Variants in TYW5 observed in about 807,000 individuals in gnomAD.
TYW5 encodes the protein tRNA wybutosine-synthesizing protein 5.
TYW5 carries 36 observed loss-of-function variants against 44.4 expected under a neutral mutation model. The observed-to-expected ratio is 0.81, with a 90% CI of 0.62 to 1.07. The LOEUF is 1.07. TYW5 is among the 50% of genes least tolerant of loss of function. The pLI is 0.00. For synonymous variants in TYW5, 121 were observed against 128.1 expected, an observed-to-expected ratio of 0.94 and a Z score of 0.37; for missense variants, 354 against 365.7, an observed-to-expected ratio of 0.97 and a Z score of 0.26.
At chr2:199,945,736 A>T (rs915057600) in intron 2 of TYW5, 15 of 152,332 alleles carry the variant, frequency 9.8e-5, no homozygotes, top group African/African-American at 3.6e-4. Context: ...ACCTTTAGAA[A>T]AACAGAACAG....
intron 1 of TYW5, among the ~76,000 whole-genome samples, chr2:199,950,272 C>G (rs748476797): frequency 6.1e-4 from 93 of 152,154 alleles, no homozygotes; most frequent in Admixed American, 3.8e-3. Flanking sequence ...TCATTATAAT[C>G]TACTGAATTT....
chr2:199,939,256 A>G, intron 4 of TYW5, among the ~76,000 whole-genome samples, 186 bp from the exon 5 acceptor site: 1 of 151,850 alleles, frequency 6.6e-6, no homozygotes. Context: ...GGCACCTCCC[A>G]CCACGCCCAG....
intron 4 of TYW5, among the ~76,000 whole-genome samples, chr2:199,939,403 C>A (rs566834137): frequency 2.0e-5 from 3 of 152,098 alleles, no homozygotes; most frequent in Admixed American, 2.0e-4. Flanking sequence ...CTTGCCTGGC[C>A]GATACATGAT....
intron 3 of TYW5, among the ~76,000 whole-genome samples, chr2:199,940,378 C>T (rs1038584139): frequency 6.6e-6 from 1 of 152,094 alleles, no homozygotes; most frequent in Non-Finnish European, 1.5e-5. Flanking sequence ...TATCGCTGGG[C>T]GTGGTGGGTC....
At chr2:199,938,848 C>T (rs2077441652) in intron 5 of TYW5, 85 bp downstream of exon 5, 3 of 1,385,142 alleles carry the variant, frequency 2.2e-6, no homozygotes, top group Non-Finnish European at 2.9e-6. Flanking sequence ...TTTAGGGTAA[C>T]CTATAGGAAG....
intron 3 of TYW5, among the ~76,000 whole-genome samples, chr2:199,940,572 C>T (rs2077455871): frequency 6.6e-6 from 1 of 150,586 alleles, no homozygotes; most frequent in South Asian, 2.1e-4. Flanking sequence ...GATTGTGACA[C>T]TACACTCCAG....
Position 199,933,139 on chromosome 2 carries a change from T to G in TYW5, c.876A>C (p.Glu292Asp), listed in dbSNP as rs753797802. 1.2e-6 allele frequency: 2 copies of G among 1,614,166 alleles called. No individual in the cohort carries two copies. Among genetic ancestry groups the G allele is most frequent in the East Asian group, 2.2e-5 (1 of 44,874 alleles). ...TTCGTCGTGCATAGAAGTCCCTATA[T>G]TCCTCTGGTAACTCGGCCAGTGTTT... ...ALKTLAELPE[E>D]YRDFYARRMV... is the part of the protein sequence containing the mutation. The change falls in exon 8 of 8, where the codon GAA becomes GAC. Residue 292 changes from glutamate to aspartate, a missense_variant. Coordinates refer to ENST00000354611, the MANE Select transcript of TYW5 (RefSeq NM_001039693.3).
chr2:199,931,085 TTC>T lies in TYW5; in HGVS notation c.*1980_*1981del, dbSNP rs1246741764. 3 of 152,076 alleles carry T rather than the reference TTC, an allele frequency of 2.0e-5. No individual in the cohort carries two copies. The highest frequency in any genetic ancestry group is 2.9e-5 in the Non-Finnish European group (2 of 68,010). The allele number at this position is 152,076 out of a possible 1,614,324, so 9.4% of individuals were successfully genotyped here. On this transcript the variant is annotated 3_prime_UTR_variant, in exon 8 of 8. Coordinates refer to ENST00000354611, the MANE Select transcript of TYW5 (RefSeq NM_001039693.3). ...AATTTTAAAACATCCCAAAGGAAAGTTCTCTAACTTTTAAAATATTATAAATT... is the reference window on the plus strand; with the variant it reads ...AATTTTAAAACATCCCAAAGGAAAGTTCTAACTTTTAAAATATTATAAATT...
intron 2 of TYW5, chr2:199,944,794 A>G (rs910411927): frequency 6.6e-6 from 1 of 152,236 alleles, no homozygotes. Flanking sequence ...AAAAGGTTAA[A>G]TACTTTCTCC....
chr2:199,933,091 T>C lies in TYW5; in HGVS notation c.924A>G (p.Lys308=), dbSNP rs184932426. ...ARRMVLHIQD[K]AYSKNSE is the part of the protein sequence containing the mutation. ...TTTACTCAGAGTTCTTGCTGTAGGC[T>C]TTGTCTTGAATGTGTAGGACCATTC... is the stretch of plus-strand genomic sequence containing the variant. Residue 308 remains lysine (K), a synonymous_variant, in exon 8 of 8, where the codon AAA becomes AAG. Transcript: ENST00000354611. The C allele has an allele frequency of 6.2e-7, 1 of 1,614,088 alleles. No individual in the cohort carries two copies. The highest frequency in any genetic ancestry group is 1.3e-5 in the African/African-American group (1 of 75,052).
chr2:199,935,502 C>A (rs1026630211), intron 7 of TYW5, among the ~76,000 whole-genome samples: 16 of 151,572 alleles, frequency 1.1e-4, no homozygotes, highest in African/African-American at 3.6e-4. Context: ...CACCACCATG[C>A]CTGACTAAAT....
intron 6 of TYW5, 94 bp from the exon 7 acceptor site, chr2:199,936,141 C>A: frequency 2.4e-6 from 2 of 838,138 alleles, no homozygotes; most frequent in South Asian, 1.6e-5. Flanking sequence ...TTATTCTTTT[C>A]TATCCAGTTA....
rs1175882636 is a variant in TYW5, at chr2:199,939,065, A to C, written c.354T>G (p.Val118=). 1 of 1,602,548 alleles carries C rather than the reference A, an allele frequency of 6.2e-7. No individual in the cohort carries two copies. The highest frequency in any genetic ancestry group is 8.5e-7 in the Non-Finnish European group (1 of 1,177,100). ...RSLGEDPRKD[V]ADIRKQFPLL... ...AAGGAAACTGCTTTCTGATATCTGC[A>C]ACATCCTGCATTTACAGAAACATAA... The change falls in exon 5 of 8, where the codon GTT becomes GTG. Residue 118 remains valine (V), a synonymous_variant. Transcript: ENST00000354611.
Position 199,933,180 on chromosome 2 carries a change from G to A in TYW5, c.835C>T (p.Leu279=). 1 of 1,614,142 alleles carries A rather than the reference G, an allele frequency of 6.2e-7. No individual in the cohort carries two copies. ...GCCAGTGTTTTCAAGGCTCTGTCCA[G>A]AATTTGTGCAGCTCTTGATGCTGCT... The part of the protein sequence containing the change: ...PTAASRAAQI[L]DRALKTLAEL... The change falls in exon 8 of 8, where the codon CTG becomes TTG. Residue 279 remains leucine (L), a synonymous_variant. Transcript: ENST00000354611.
intron 1 of TYW5, among the ~76,000 whole-genome samples, chr2:199,948,901 T>C (rs940025360): frequency 6.6e-6 from 1 of 152,330 alleles, no homozygotes; most frequent in East Asian, 1.9e-4. Context: ...GAAGGACATA[T>C]TATTATTAAT....
chr2:199,951,082 T>C lies in TYW5; in HGVS notation c.79-2610A>G, dbSNP rs73068728. 9.1e-3 allele frequency among the ~76,000 whole-genome samples: 1,384 copies of C among 152,364 alleles called. 23 individuals carry two copies. Among genetic ancestry groups the C allele is most frequent in the African/African-American group, 0.032 (1,336 of 41,572 alleles). Reference sequence around the variant, plus strand: ...TAAATGTACATGTAGCTCATGTTTATTTCAATGTTTAAGATTAGAAATGTT... The same window carrying C: ...TAAATGTACATGTAGCTCATGTTTACTTCAATGTTTAAGATTAGAAATGTT... On this transcript the variant is annotated intron_variant, in intron 1 of 7. Transcript: ENST00000354611.
chr2:199,944,045 GAATTA>G (rs2077486114), intron 2 of TYW5: 2 of 420,256 alleles, frequency 4.8e-6, no homozygotes, highest in East Asian at 3.8e-5. Flanking sequence ...TGAAATTTTG[GAATTA>G]AATATTTCAA....
At chr2:199,933,952 A>G (rs944556205) in intron 7 of TYW5, among the ~76,000 whole-genome samples, 1 of 152,080 alleles carries the variant, frequency 6.6e-6, no homozygotes, top group African/African-American at 2.4e-5. Context: ...TTTATTATAT[A>G]CCTAATTAAT....
At chr2:199,942,806 C>T (rs1375661747) in intron 3 of TYW5, 1 of 152,002 alleles carries the variant, frequency 6.6e-6, no homozygotes, top group Non-Finnish European at 1.5e-5. Context: ...AAAACAGCTT[C>T]ATTCAAAGAT....
Sources: allele counts gnomAD v4.1 joint callset (sites outside exome capture counted in the v4.1 genomes callset), GRCh38; gene constraint gnomAD v4.1.1; transcripts MANE v1.5; gene names NCBI Gene and HGNC (gene_info 2026-07-23, HGNC 2026-07-21).